The following NDNF variants were observed in gnomAD, a reference collection of about 807,000 sequenced individuals.
NDNF encodes protein NDNF.
NDNF carries 16 observed loss-of-function variants against 42.0 expected under a neutral mutation model. The ratio of observed to expected loss-of-function variants is 0.38; its 90% CI spans 0.26 to 0.58. The LOEUF (loss-of-function observed/expected upper bound fraction) is 0.58. Among genes scored for constraint, NDNF ranks in the 20% least tolerant of loss-of-function variants. The pLI is 0.67. For synonymous variants in NDNF, 248 were observed against 251.7 expected, an observed-to-expected ratio of 0.99 and a Z score of 0.14; for missense variants, 616 against 666.2, an observed-to-expected ratio of 0.92 and a Z score of 0.83.
At chr4:121,071,060 A>G (rs767831983) in intron 1 of NDNF, among the ~76,000 whole-genome samples, 20 of 152,196 alleles carry the variant, frequency 1.3e-4, no homozygotes, top group Non-Finnish European at 2.2e-4. Flanking sequence ...CAAATTCAGC[A>G]GTTTGCAAAG....
At position 121,066,544 on chromosome 4, in the gene NDNF, C is replaced by T. The variant is rs117004378; in HGVS notation, c.-2+5449G>A. On this transcript the variant is annotated intron_variant, in intron 1 of 3. Coordinates refer to ENST00000379692, the MANE Select transcript of NDNF (RefSeq NM_024574.4). The stretch of plus-strand genomic sequence containing the variant: ...AACACTACCCCTAACTGTCTGCCAA[C>T]AGTTTGTTTGCCAACTGCCAGGATA... Among the ~76,000 whole-genome samples, 498 of 152,262 alleles carry T rather than the reference C, an allele frequency of 3.3e-3. 13 individuals carry two copies. The East Asian group carries it at 0.044, about 13-fold the overall frequency.
intron 1 of NDNF, among the ~76,000 whole-genome samples, chr4:121,063,529 G>A (rs112129677): frequency 3.7e-4 from 56 of 152,186 alleles, no homozygotes; most frequent in Non-Finnish European, 3.2e-4. Context: ...TGTAATACCC[G>A]GATTTGAATG....
chr4:121,056,863 C>T (rs1403067134), intron 1 of NDNF, among the ~76,000 whole-genome samples: 1 of 152,228 alleles, frequency 6.6e-6, no homozygotes, highest in Non-Finnish European at 1.5e-5. Context: ...AAGTTTCCAT[C>T]AAAGAAATCT....
Position 121,037,031 on chromosome 4 carries a change from C to A in NDNF, c.940G>T (p.Val314Leu), listed in dbSNP as rs759909636. ...TTGCTGTTGATGTTGACCACAAATA[C>A]ATCAAAGTAGTACTGCGTGTCGGGT... ...LKPDTQYYFD[V>L]FVVNINSNMS... The change falls in exon 4 of 4, where the codon GTA becomes TTA. Residue 314 changes from valine (V) to leucine (L), a missense_variant. By Grantham distance (32) the Val-to-Leu change is conservative. Coordinates refer to ENST00000379692, the MANE Select transcript of NDNF (RefSeq NM_024574.4). 1 of 1,613,964 alleles carries A rather than the reference C, an allele frequency of 6.2e-7. No individual in the cohort carries two copies. The highest frequency in any genetic ancestry group is 8.5e-7 in the Non-Finnish European group (1 of 1,180,012).
chr4:121,046,582 T>C (rs1727097394), intron 1 of NDNF, among the ~76,000 whole-genome samples: 1 of 152,212 alleles, frequency 6.6e-6, no homozygotes, highest in Admixed American at 6.5e-5. Context: ...CAACACAACG[T>C]TGACATATAC....
intron 2 of NDNF, among the ~76,000 whole-genome samples, chr4:121,043,460 GTTAACATTTTT>G (rs1727038239): frequency 6.6e-6 from 1 of 152,042 alleles, no homozygotes; most frequent in African/African-American, 2.4e-5. Context: ...ACTAGTGTAT[GTTAACATTTTT>G]TCCTATTGTG....
At chr4:121,045,613 G>T (rs372752606) in intron 2 of NDNF, 37 bp downstream of exon 2, 18 of 1,570,694 alleles carry the variant, frequency 1.1e-5, no homozygotes, top group Non-Finnish European at 1.6e-5. Flanking sequence ...CATCCTTTGT[G>T]AGCTTTTTAA....
chr4:121,054,569 G>C (rs1476438326), intron 1 of NDNF, among the ~76,000 whole-genome samples: 4 of 152,214 alleles, frequency 2.6e-5, no homozygotes, highest in Admixed American at 2.6e-4. Flanking sequence ...TCCTTGAGGA[G>C]ATGACATTTA....
At chr4:121,064,236 T>C (rs1727462723) in intron 1 of NDNF, among the ~76,000 whole-genome samples, 1 of 152,174 alleles carries the variant, frequency 6.6e-6, no homozygotes, top group Non-Finnish European at 1.5e-5. Flanking sequence ...GGATAGAATA[T>C]CTTCCTCACT....
At chr4:121,071,788 G>A (rs1727608808) in intron 1 of NDNF, 1 of 147,566 alleles carries the variant, frequency 6.8e-6, no homozygotes, top group African/African-American at 2.5e-5. Flanking sequence ...AAAAACGAGG[G>A]AAACCTGCTC....
chr4:121,064,152 T>G (rs1244094709), intron 1 of NDNF, among the ~76,000 whole-genome samples: 1 of 152,218 alleles, frequency 6.6e-6, no homozygotes, highest in Non-Finnish European at 1.5e-5. Context: ...ATTTTGCTTC[T>G]AAAACCAAAG....
chr4:121,052,297 G>A (rs1171034524), intron 1 of NDNF, among the ~76,000 whole-genome samples: 1 of 152,166 alleles, frequency 6.6e-6, no homozygotes, highest in East Asian at 1.9e-4. Flanking sequence ...GCCTGATCAT[G>A]TGCAGGCCAC....
At chr4:121,048,005 T>C (rs1022173523) in intron 1 of NDNF, among the ~76,000 whole-genome samples, 1 of 152,248 alleles carries the variant, frequency 6.6e-6, no homozygotes, top group African/African-American at 2.4e-5. Flanking sequence ...TGGACTGACC[T>C]GAATGGGACC....
rs539861688 is a variant in NDNF at position 121,058,525 on chromosome 4, A to C, written c.-1-12687T>G. 1.8e-4 allele frequency among the ~76,000 whole-genome samples: 27 copies of C among 152,246 alleles called. No individual in the cohort carries two copies. The South Asian group carries it at 5.6e-3, about 32-fold the overall frequency. On this transcript the variant is annotated intron_variant, in intron 1 of 3. Coordinates refer to ENST00000379692, the MANE Select transcript of NDNF (RefSeq NM_024574.4). ...CGAGCCTCGGTTTCCATGTTTGTTG[A>C]CTGAAGTGAACAGTAGGTCCTGACG... is the stretch of plus-strand genomic sequence containing the variant.
In NDNF at chr4:121,037,660, A is replaced by G. The variant is rs1183502042; in HGVS notation, c.314-3T>C. The G allele has an allele frequency of 3.8e-6, 6 of 1,565,838 alleles. No homozygotes were observed. Among genetic ancestry groups the G allele is most frequent in the African/African-American group, 1.3e-5 (1 of 74,558 alleles). Reference sequence around the variant, plus strand: ...CTGCTCAAGAGGTTCCAGATCACCTAGAAAATACAGGAGAAGCACAGGCTA... The same window carrying G: ...CTGCTCAAGAGGTTCCAGATCACCTGGAAAATACAGGAGAAGCACAGGCTA... On this transcript the variant is annotated splice_region_variant and splice_polypyrimidine_tract_variant and intron_variant, in intron 3 of 3. Coordinates refer to ENST00000379692, the MANE Select transcript of NDNF (RefSeq NM_024574.4).
intron 1 of NDNF, among the ~76,000 whole-genome samples, chr4:121,063,698 C>CG (rs1032622699): frequency 1.3e-5 from 2 of 151,654 alleles, no homozygotes; most frequent in Non-Finnish European, 1.5e-5. Context: ...TTGGGGGTGT[C>CG]GGGGGGGCCA....
At chr4:121,055,159 A>C (rs558153397) in intron 1 of NDNF, among the ~76,000 whole-genome samples, 2 of 152,272 alleles carry the variant, frequency 1.3e-5, no homozygotes, top group Non-Finnish European at 2.9e-5. Flanking sequence ...GAAGTGATCC[A>C]AGCTTTTTTA....
chr4:121,062,889 T>TA (rs1186107857), intron 1 of NDNF, among the ~76,000 whole-genome samples: 1 of 152,162 alleles, frequency 6.6e-6, no homozygotes, highest in Non-Finnish European at 1.5e-5. Flanking sequence ...ACTTTAAATG[T>TA]GGAAAATGTT....
rs180719336 is a variant in NDNF at position 121,064,332 on chromosome 4, T to A, written c.-2+7661A>T. Among the ~76,000 whole-genome samples, 10 of 152,202 alleles carry A rather than the reference T, an allele frequency of 6.6e-5. No homozygotes were observed. In the East Asian group the frequency reaches 1.5e-3, roughly 23 times the overall value. Reference sequence around the variant, plus strand: ...GTTATACAAAGATATATTATTATTATTAATAAATAGAATCATTTCTGCTTC... The same window carrying A: ...GTTATACAAAGATATATTATTATTAATAATAAATAGAATCATTTCTGCTTC... On this transcript the variant is annotated intron_variant, in intron 1 of 3. Transcript: ENST00000379692.
Sources: gnomAD v4.1 joint callset for allele counts (sites outside exome capture counted in the v4.1 genomes callset) on GRCh38, gnomAD v4.1.1 for gene constraint, MANE v1.5 for transcripts, NCBI Gene and HGNC (gene_info 2026-07-23, HGNC 2026-07-21) for gene names.